The following PCDHGA10 variants were observed in gnomAD, a reference collection of about 807,000 sequenced individuals.
The protein encoded by PCDHGA10 is protocadherin gamma subfamily A, 10, also known as protocadherin gamma-A10.
A neutral mutation model predicts 59.5 loss-of-function variants in PCDHGA10; 42 were observed. That is an observed-to-expected ratio of 0.71 (90% CI 0.55 to 0.91). The LOEUF (loss-of-function observed/expected upper bound fraction) is 0.91, where lower values mean the gene tolerates loss of function less well. PCDHGA10 is among the 40% of genes least tolerant of loss of function. The probability of loss-of-function intolerance (pLI) is 0.00; values close to 1 mark genes in which losing one functional copy is unlikely to be tolerated. For synonymous variants in PCDHGA10, 511 were observed against 517.2 expected, an observed-to-expected ratio of 0.99 and a Z score of 0.16; for missense variants, 1,111 against 1,198.2, an observed-to-expected ratio of 0.93 and a Z score of 1.07.
chr5:141,453,752 T>C (rs1404363977), intron 1 of PCDHGA10, among the ~76,000 whole-genome samples: 10 of 152,364 alleles, frequency 6.6e-5, no homozygotes, highest in Admixed American at 5.9e-4. Flanking sequence ...AACATAAGTC[T>C]CCTAAAAATA....
intron 1 of PCDHGA10, chr5:141,419,386 G>T: frequency 2.5e-6 from 4 of 1,613,650 alleles, no homozygotes; most frequent in Non-Finnish European, 3.4e-6. Context: ...CCGTGAGCGC[G>T]CAGAGCGGGG....
chr5:141,499,888 A>G (rs574246186), intron 2 of PCDHGA10, among the ~76,000 whole-genome samples: 105 of 152,174 alleles, frequency 6.9e-4, no homozygotes, highest in African/African-American at 2.4e-3. Flanking sequence ...GGGTTTCGCC[A>G]TGTTGGCCAG....
chr5:141,485,586 TG>T lies in PCDHGA10; in HGVS notation c.2437-9219del. The T allele has an allele frequency of 6.2e-7, 1 of 1,612,402 alleles. No homozygotes were observed. Among genetic ancestry groups the T allele is most frequent in the Non-Finnish European group, 8.5e-7 (1 of 1,178,600 alleles). Reference sequence around the variant, plus strand: ...GCCCCCCGTTTTCCGCGGCAGCAGCTGGACTTGGAAATTGGGGAGGCAGCTC... The same window carrying T: ...GCCCCCCGTTTTCCGCGGCAGCAGCTGACTTGGAAATTGGGGAGGCAGCTC... On this transcript the variant is annotated intron_variant, in intron 1 of 3. Coordinates refer to ENST00000398610, the MANE Select transcript of PCDHGA10 (RefSeq NM_018913.3). The surrounding 1 kb of genome is among the most constrained non-coding windows in gnomAD (Gnocchi z 5.7).
chr5:141,486,506 A>C lies in PCDHGA10; in HGVS notation c.2437-8301A>C. The C allele has an allele frequency of 6.2e-7, 1 of 1,614,134 alleles. No individual in the cohort carries two copies. The highest frequency in any genetic ancestry group is 8.5e-7 in the Non-Finnish European group (1 of 1,180,006). Reference sequence around the variant, plus strand: ...TACCCACAGAACTATTTTCCTCAATATTTCAGATGTGAATGATAATCCACC... The same window carrying C: ...TACCCACAGAACTATTTTCCTCAATCTTTCAGATGTGAATGATAATCCACC... On this transcript the variant is annotated intron_variant, in intron 1 of 3. Transcript: ENST00000398610. The surrounding 1 kb of genome is among the most constrained non-coding windows in gnomAD (Gnocchi z 5.0).
Position 141,431,151 on chromosome 5 carries a change from C to A in PCDHGA10, c.2436+15540C>A, listed in dbSNP as rs764416448. On this transcript the variant is annotated intron_variant, in intron 1 of 3. Transcript: ENST00000398610. This position sits in a 1 kb window ranked among gnomAD's most constrained non-coding sequence, Gnocchi z 4.8. Reference sequence around the variant, plus strand: ...GTAAGGGACATTAACGACAATGCGCCTTACTTTCGTGAAAGTGAATTAGAA... The same window carrying A: ...GTAAGGGACATTAACGACAATGCGCATTACTTTCGTGAAAGTGAATTAGAA... 7.4e-6 allele frequency: 12 copies of A among 1,614,126 alleles called. No individual in the cohort carries two copies. Among genetic ancestry groups the A allele is most frequent in the Middle Eastern group, 1.6e-4 (1 of 6,084 alleles).
rs755093164 is a variant in PCDHGA10, at chr5:141,485,516, G to C, written c.2437-9291G>C. On this transcript the variant is annotated intron_variant, in intron 1 of 3. Coordinates refer to ENST00000398610, the MANE Select transcript of PCDHGA10 (RefSeq NM_018913.3). The surrounding 1 kb of genome is among the most constrained non-coding windows in gnomAD (Gnocchi z 5.7). Reference sequence around the variant, plus strand: ...GGAGTTTGTCACCGAAGGTCCTTTGGAAATGTACCGAGCAGAGGTAGAGAT... The same window carrying C: ...GGAGTTTGTCACCGAAGGTCCTTTGCAAATGTACCGAGCAGAGGTAGAGAT... 1 of 1,614,172 alleles carries C rather than the reference G, an allele frequency of 6.2e-7. No individual in the cohort carries two copies.
At chr5:141,444,178 TTTTTTTTTTTG>T in intron 1 of PCDHGA10, among the ~76,000 whole-genome samples, 1 of 134,050 alleles carries the variant, frequency 7.5e-6, no homozygotes, top group Admixed American at 7.5e-5. Flanking sequence ...TTTTTTTTTT[TTTTTTTTTTTG>T]AGATGGAGTT....
chr5:141,481,030 C>A (rs1277171839), intron 1 of PCDHGA10, among the ~76,000 whole-genome samples: 1 of 152,024 alleles, frequency 6.6e-6, no homozygotes, highest in African/African-American at 2.4e-5. Context: ...TGCACTCCAG[C>A]CTGGGCGACA....
chr5:141,509,513 T>C (rs2099877131), intron 3 of PCDHGA10, among the ~76,000 whole-genome samples: 2 of 152,068 alleles, frequency 1.3e-5, no homozygotes, highest in Non-Finnish European at 2.9e-5. Flanking sequence ...ACGGTGTTGA[T>C]GATGTATTGC....
rs759576434 is a variant in PCDHGA10 at position 141,432,109 on chromosome 5, G to C, written c.2436+16498G>C. Reference sequence around the variant, plus strand: ...TGGCAGACACCAACGACAACCCGCCGGTCTTCCCTCAGGCCTCCTATTCCG... The same window carrying C: ...TGGCAGACACCAACGACAACCCGCCCGTCTTCCCTCAGGCCTCCTATTCCG... On this transcript the variant is annotated intron_variant, in intron 1 of 3. Transcript: ENST00000398610. The surrounding 1 kb of genome is among the most constrained non-coding windows in gnomAD (Gnocchi z 6.0). 9 of 1,613,972 alleles carry C rather than the reference G, an allele frequency of 5.6e-6. No homozygotes were observed. In the African/African-American group the frequency reaches 9.3e-5, roughly 17 times the overall value.
At chr5:141,468,425 T>TA (rs2099167168) in intron 1 of PCDHGA10, 1 of 151,612 alleles carries the variant, frequency 6.6e-6, no homozygotes, top group Non-Finnish European at 1.5e-5. Context: ...GATAGCAAGG[T>TA]AATAGCAAAA....
chr5:141,414,151 G>T lies in PCDHGA10; in HGVS notation c.976G>T (p.Glu326Ter). ...TTTCTATGAAATAGAAATACAAGCA[G>T]AAGATGGAGGAGCATATCTTGCAAC... Reference protein sequence around the residue: ...TGFYEIEIQAEDGGAYLATAK... With the variant: ...TGFYEIEIQA Residue 326 changes from glutamate (E) to a stop codon, truncating the protein, a stop_gained, in exon 1 of 4, where the codon GAA becomes TAA. Transcript: ENST00000398610. LOFTEE classifies it high-confidence loss of function. The T allele has an allele frequency of 1.2e-6, 2 of 1,600,336 alleles. No individual in the cohort carries two copies. The highest frequency in any genetic ancestry group is 2.3e-5 in the East Asian group (1 of 44,444).
intron 1 of PCDHGA10, among the ~76,000 whole-genome samples, chr5:141,452,054 C>A (rs578157525): frequency 6.4e-4 from 97 of 152,196 alleles, no homozygotes; most frequent in African/African-American, 2.2e-3. Flanking sequence ...TTTGTAATAA[C>A]TTATTCTACT....
At position 141,476,453 on chromosome 5, in the gene PCDHGA10, G is replaced by A. The variant is rs1432113874; in HGVS notation, c.2437-18354G>A. 3 of 1,614,138 alleles carry A rather than the reference G, an allele frequency of 1.9e-6. No individual in the cohort carries two copies. The East Asian group carries it at 6.7e-5, about 36-fold the overall frequency. ...CACTGTAACTCTGGAGTTGGTAGTG[G>A]AGAACCCGCTGGAGCTGTTCAGCGT... On this transcript the variant is annotated intron_variant, in intron 1 of 3. Transcript: ENST00000398610. The surrounding 1 kb of genome is among the most constrained non-coding windows in gnomAD (Gnocchi z 7.6).
intron 3 of PCDHGA10, among the ~76,000 whole-genome samples, chr5:141,510,468 A>G (rs1246106107): frequency 2.0e-5 from 3 of 152,152 alleles, no homozygotes; most frequent in Admixed American, 2.0e-4. Flanking sequence ...TGTGGGAGTC[A>G]GAGGCTCCCT....
Position 141,476,645 on chromosome 5 carries a change from A to C in PCDHGA10, c.2437-18162A>C. 1 of 1,614,246 alleles carries C rather than the reference A, an allele frequency of 6.2e-7. No homozygotes were observed. The highest frequency in any genetic ancestry group is 8.5e-7 in the Non-Finnish European group (1 of 1,180,052). On this transcript the variant is annotated intron_variant, in intron 1 of 3. Coordinates refer to ENST00000398610, the MANE Select transcript of PCDHGA10 (RefSeq NM_018913.3). The surrounding 1 kb of genome is among the most constrained non-coding windows in gnomAD (Gnocchi z 7.6). ...TTTACAAACCTATGAGCTGAGCCGA[A>C]ATGAATACTTTGCGCTTCGCGTGCA...
intron 3 of PCDHGA10, 126 bp downstream of exon 3, chr5:141,505,607 T>A: frequency 6.5e-7 from 1 of 1,528,684 alleles, no homozygotes. Flanking sequence ...TCGGCAGGTC[T>A]GAAAGGACCC....
At chr5:141,458,434 G>T (rs535464730) in intron 1 of PCDHGA10, among the ~76,000 whole-genome samples, 1 of 152,198 alleles carries the variant, frequency 6.6e-6, no homozygotes, top group African/African-American at 2.4e-5. Context: ...GAAAGAGGAG[G>T]TCCCCCACAT....
chr5:141,478,387 C>T, intron 1 of PCDHGA10: 1 of 1,613,642 alleles, frequency 6.2e-7, no homozygotes, highest in Non-Finnish European at 8.5e-7. Context: ...CGCACCTTTA[C>T]CATCAGGTGT....
Sources: allele counts gnomAD v4.1 joint callset (sites outside exome capture counted in the v4.1 genomes callset), GRCh38; gene constraint gnomAD v4.1.1; non-coding constraint Gnocchi (gnomAD v3.1); transcripts MANE v1.5; gene names NCBI Gene and HGNC (gene_info 2026-07-23, HGNC 2026-07-21).